Variants in PROX1 observed in about 807,000 individuals in gnomAD.
The protein encoded by PROX1 is prospero homeobox protein 1.
PROX1 carries 7 observed loss-of-function variants against 58.8 expected under a neutral mutation model. That is an observed-to-expected ratio of 0.12 (90% CI 0.07 to 0.22). PROX1 has a LOEUF of 0.22. Ranked by LOEUF, PROX1 falls within the 10% of genes least tolerant of loss-of-function variation. PROX1 has a pLI of 1.00. For synonymous variants in PROX1, 350 were observed against 358.3 expected, an observed-to-expected ratio of 0.98 and a Z score of 0.26; for missense variants, 675 against 927.8, an observed-to-expected ratio of 0.73 and a Z score of 3.54.
chr1:214,031,066 T>TGTGTGCGCGC (rs1231686198), intron 4 of PROX1, among the ~76,000 whole-genome samples: 4 of 95,070 alleles, frequency 4.2e-5, no homozygotes, highest in Non-Finnish European at 7.4e-5. Context: ...TGTGTGTGTG[T>TGTGTGCGCGC]GCGCGCGCGC....
intron 4 of PROX1, among the ~76,000 whole-genome samples, chr1:214,021,009 A>G (rs569193651): frequency 9.2e-5 from 14 of 152,322 alleles, no homozygotes; most frequent in Admixed American, 8.5e-4. Flanking sequence ...AAATATTAGG[A>G]CCAATGTAGC....
rs1662869914 is a variant in PROX1 at position 213,987,986 on chromosome 1, C to A, written c.-565C>A. 1 of 151,478 alleles carries A rather than the reference C, an allele frequency of 6.6e-6. No individual in the cohort carries two copies. The highest frequency in any genetic ancestry group is 1.5e-5 in the Non-Finnish European group (1 of 67,912). The allele number at this position is 151,478 out of a possible 1,614,324, so 9.4% of individuals were successfully genotyped here. ...AGCGGAGCCCTCAGCTGAGGGAGCG[C>A]TCTGAAATAATACACCATTGCAGCC... On this transcript the variant is annotated 5_prime_UTR_variant, in exon 1 of 5. Transcript: ENST00000366958.
intron 2 of PROX1, among the ~76,000 whole-genome samples, chr1:213,999,608 A>G (rs1332878957): frequency 6.6e-6 from 1 of 152,218 alleles, no homozygotes; most frequent in African/African-American, 2.4e-5. Context: ...GCAGTTAAAC[A>G]TGGAGTCTCT....
intron 4 of PROX1, among the ~76,000 whole-genome samples, chr1:214,032,603 T>G (rs1222900893): frequency 1.3e-5 from 2 of 152,052 alleles, no homozygotes; most frequent in East Asian, 3.9e-4. Flanking sequence ...ATCATGTTGC[T>G]CAGGCTGAAG....
chr1:214,016,671 C>T (rs372489654), intron 4 of PROX1, among the ~76,000 whole-genome samples: 4 of 152,138 alleles, frequency 2.6e-5, no homozygotes, highest in Admixed American at 6.5e-5. Flanking sequence ...TGCCTGGAAA[C>T]GTATTCCTTC....
At chr1:214,033,679 G>A (rs1319230940) in intron 4 of PROX1, among the ~76,000 whole-genome samples, 1 of 152,178 alleles carries the variant, frequency 6.6e-6, no homozygotes, top group African/African-American at 2.4e-5. Flanking sequence ...GTGAGAGTGG[G>A]CAGTTGCTCC....
rs146333757 is a variant in PROX1, at chr1:213,996,032, A to C, written c.-67-437A>C. On this transcript the variant is annotated intron_variant, in intron 1 of 4. Transcript: ENST00000366958. ...CACACTAATTGTAATGCAGAAATGC[A>C]ATTTTTCATGTGAATTTCTCATAGT... 7.9e-4 allele frequency among the ~76,000 whole-genome samples: 121 copies of C among 152,350 alleles called. 2 individuals carry two copies. The East Asian group carries it at 0.02, about 25-fold the overall frequency.
intron 2 of PROX1, among the ~76,000 whole-genome samples, chr1:214,000,255 T>A (rs997832545): frequency 1.3e-5 from 2 of 152,236 alleles, no homozygotes; most frequent in African/African-American, 2.4e-5. Flanking sequence ...GTGCTTTTTG[T>A]TTTTAGTCTT....
chr1:214,026,778 TC>T (rs746629803), intron 4 of PROX1, among the ~76,000 whole-genome samples: 2 of 152,234 alleles, frequency 1.3e-5, no homozygotes, highest in Non-Finnish European at 2.9e-5. Flanking sequence ...GTCAGAGAAG[TC>T]TGTGTGAGGG....
intron 3 of PROX1, 107 bp downstream of exon 3, chr1:214,005,379 C>G: frequency 1.2e-6 from 1 of 826,700 alleles, no homozygotes; most frequent in Non-Finnish European, 1.9e-6. Context: ...TATTCCTACA[C>G]CTGTGTTATA....
At position 214,040,528 on chromosome 1, in the gene PROX1, G is replaced by A. The variant is rs1303491586; in HGVS notation, c.*4694G>A. On this transcript the variant is annotated 3_prime_UTR_variant, in exon 5 of 5. Coordinates refer to ENST00000366958, the MANE Select transcript of PROX1 (RefSeq NM_001270616.2). ...TCAAATTTAGAACTAAGAAAAAAAT[G>A]TATTTGGGATTGGTCTCAGCGCTAC... The A allele has an allele frequency of 6.6e-6, 1 of 152,146 alleles. No individual in the cohort carries two copies. The highest frequency in any genetic ancestry group is 1.5e-5 in the Non-Finnish European group (1 of 68,000). The allele number at this position is 152,146 out of a possible 1,614,324, so 9.4% of individuals were successfully genotyped here.
At chr1:213,988,907 G>C (rs140379521) in intron 1 of PROX1, among the ~76,000 whole-genome samples, 67 of 152,064 alleles carry the variant, frequency 4.4e-4, no homozygotes, top group Middle Eastern at 3.4e-3. Flanking sequence ...CTCTTCTCAG[G>C]AGAGAGGACC....
intron 4 of PROX1, among the ~76,000 whole-genome samples, chr1:214,032,415 G>A (rs1197283059): frequency 7.1e-6 from 1 of 141,718 alleles, no homozygotes; most frequent in Non-Finnish European, 1.5e-5. Flanking sequence ...TTTTATTTTT[G>A]AGATGGGGTC....
chr1:214,005,594 T>C (rs1267909819), intron 3 of PROX1, among the ~76,000 whole-genome samples: 2 of 152,220 alleles, frequency 1.3e-5, no homozygotes, highest in African/African-American at 4.8e-5. Context: ...GAGAATGTTT[T>C]TTCCCTCCCC....
intron 4 of PROX1, among the ~76,000 whole-genome samples, chr1:214,025,668 T>G (rs1191177114): frequency 1.3e-5 from 2 of 151,156 alleles, no homozygotes; most frequent in African/African-American, 4.9e-5. Context: ...GATTCCTTTT[T>G]TTTTTTTTTT....
At position 213,997,715 on chromosome 1, in the gene PROX1, G is replaced by A. The variant is rs1217787927; in HGVS notation, c.1180G>A (p.Ala394Thr). The change falls in exon 2 of 5, where the codon GCA (alanine) becomes ACA (threonine). Residue 394 changes from alanine to threonine, a missense_variant. Physicochemically the swap from Ala to Thr is moderately conservative, Grantham distance 58. Around this residue, in one of 8 missense-constraint regions of PROX1, gnomAD observed 403 missense variants for 477.4 expected, o/e 0.84. Coordinates refer to ENST00000366958, the MANE Select transcript of PROX1 (RefSeq NM_001270616.2). This position sits in a 1 kb window ranked among gnomAD's most constrained non-coding sequence, Gnocchi z 7.1. ...PPLQIPQARF[A>T]VNGENHNFHT... ...TCTCCAGATCCCCCAGGCCAGATTT[G>A]CAGTCAATGGGGAAAACCACAATTT... 2 of 1,614,050 alleles carry A rather than the reference G, an allele frequency of 1.2e-6. No homozygotes were observed. Among genetic ancestry groups the A allele is most frequent in the Non-Finnish European group, 1.7e-6 (2 of 1,179,990 alleles).
At position 213,997,665 on chromosome 1, in the gene PROX1, G is replaced by C. The variant is rs778287412; in HGVS notation, c.1130G>C (p.Arg377Pro). The C allele has an allele frequency of 1.9e-6, 3 of 1,614,136 alleles. No individual in the cohort carries two copies. The South Asian group carries it at 3.3e-5, about 18-fold the overall frequency. The change falls in exon 2 of 5, where the codon CGC (arginine) becomes CCC (proline). Residue 377 changes from arginine to proline, a missense_variant. Around this residue, in one of 8 missense-constraint regions of PROX1, gnomAD observed 403 missense variants for 477.4 expected, o/e 0.84. Transcript: ENST00000366958. The surrounding 1 kb of genome is among the most constrained non-coding windows in gnomAD (Gnocchi z 7.1). ...VVKVFSAKPSRQVPQVFPPLQ... is the reference protein window; with the variant it reads ...VVKVFSAKPSPQVPQVFPPLQ... The stretch of plus-strand genomic sequence containing the variant: ...AAAGTCTTTTCGGCCAAGCCCTCCC[G>C]CCAGGTTCCTCAGGTCTTCCCACCT...
chr1:213,995,706 A>G (rs763797437), intron 1 of PROX1, among the ~76,000 whole-genome samples: 1 of 152,208 alleles, frequency 6.6e-6, no homozygotes, highest in African/African-American at 2.4e-5. Context: ...TTAAAAGGAC[A>G]TTATGAAAAT....
chr1:213,997,356 T>A lies in PROX1; in HGVS notation c.821T>A (p.Leu274Gln). 1 of 1,614,086 alleles carries A rather than the reference T, an allele frequency of 6.2e-7. No individual in the cohort carries two copies. Among genetic ancestry groups the A allele is most frequent in the Non-Finnish European group, 8.5e-7 (1 of 1,180,012 alleles). Residue 274 changes from leucine to glutamine, a missense_variant, in exon 2 of 5, where the codon CTG (leucine) becomes CAG (glutamine). By Grantham distance (113) the Leu-to-Gln change is moderately radical. Coordinates refer to ENST00000366958, the MANE Select transcript of PROX1 (RefSeq NM_001270616.2). This position sits in a 1 kb window ranked among gnomAD's most constrained non-coding sequence, Gnocchi z 7.1. Reference sequence around the variant, plus strand: ...TCGGAAAATGATGAAGATGGTAACCTGTCTGAAGACAGCATGCGCTCGGAG... The same window carrying A: ...TCGGAAAATGATGAAGATGGTAACCAGTCTGAAGACAGCATGCGCTCGGAG... ...TDSENDEDGNLSEDSMRSEIL... is the reference protein window; with the variant it reads ...TDSENDEDGNQSEDSMRSEIL...
Sources: gnomAD v4.1 joint callset for allele counts (sites outside exome capture counted in the v4.1 genomes callset) on GRCh38, gnomAD v4.1.1 for gene constraint, gnomAD v4.1.1 regional missense constraint, Gnocchi (gnomAD v3.1) non-coding constraint, MANE v1.5 for transcripts, NCBI Gene and HGNC (gene_info 2026-07-23, HGNC 2026-07-21) for gene names.